The following CIAO2A variants were observed in gnomAD, a reference collection of about 807,000 sequenced individuals.
The protein encoded by CIAO2A is MIP18 family protein FAM96A.
In CIAO2A, 17 loss-of-function variants were observed where a neutral mutation model predicts 22.4. That is an observed-to-expected ratio of 0.76 (90% CI 0.52 to 1.14). The LOEUF is 1.14. Ranked by LOEUF, CIAO2A falls within the 50% of genes most tolerant of loss-of-function variation. CIAO2A has a pLI of 0.00. For missense variants in CIAO2A, 192 were observed against 191.4 expected, an observed-to-expected ratio of 1.00 and a Z score of -0.02; for synonymous variants, 74 against 72.3, an observed-to-expected ratio of 1.02 and a Z score of -0.12.
intron 2 of CIAO2A, among the ~76,000 whole-genome samples, chr15:64,081,560 C>G (rs980657643): frequency 4.8e-5 from 6 of 125,078 alleles, no homozygotes; most frequent in Non-Finnish European, 9.7e-5. Flanking sequence ...TTTTTTGAGA[C>G]GGAGTCTTGA....
At position 64,084,203 on chromosome 15, in the gene CIAO2A, T is replaced by TC. The variant is rs140002188; in HGVS notation, c.290-3053dup. On this transcript the variant is annotated intron_variant, in intron 2 of 4. Transcript: ENST00000300030. Reference sequence around the variant, plus strand: ...TATTCAAGCTTTTTCATGTTTTTTTTCTTTTTTAAGAGATTGCTGGTTTCA... The same window carrying TC: ...TATTCAAGCTTTTTCATGTTTTTTTTCCTTTTTTAAGAGATTGCTGGTTTCA... 6.6e-3 allele frequency among the ~76,000 whole-genome samples: 1,008 copies of TC among 152,282 alleles called. 10 individuals are homozygous for TC. Among genetic ancestry groups the TC allele is most frequent in the African/African-American group, 0.023 (973 of 41,548 alleles).
intron 4 of CIAO2A, chr15:64,074,461 A>T (rs1020312576): frequency 6.6e-6 from 1 of 152,234 alleles, no homozygotes; most frequent in Admixed American, 6.5e-5. Context: ...AAATCCTATC[A>T]TTCAAGGAAT....
chr15:64,073,971 G>A (rs949167069), intron 4 of CIAO2A, among the ~76,000 whole-genome samples: 3 of 152,086 alleles, frequency 2.0e-5, no homozygotes, highest in Admixed American at 2.0e-4. Context: ...ATGGAAAACG[G>A]CTCAATATTA....
intron 3 of CIAO2A, among the ~76,000 whole-genome samples, chr15:64,080,245 G>A (rs990581829): frequency 9.9e-5 from 15 of 151,938 alleles, no homozygotes; most frequent in African/African-American, 4.8e-5. Flanking sequence ...AAAATTAGCC[G>A]GGAATGGTGG....
At chr15:64,080,454 G>A (rs1271769837) in intron 3 of CIAO2A, among the ~76,000 whole-genome samples, 2 of 151,936 alleles carry the variant, frequency 1.3e-5, no homozygotes, top group Non-Finnish European at 2.9e-5. Context: ...AGGCCGAGGC[G>A]GGTGGATCAT....
At chr15:64,079,082 G>T (rs2080741876) in intron 3 of CIAO2A, among the ~76,000 whole-genome samples, 1 of 150,950 alleles carries the variant, frequency 6.6e-6, no homozygotes, top group Non-Finnish European at 1.5e-5. Flanking sequence ...TTCAAAAAAA[G>T]AAATAGCTTT....
chr15:64,093,715 G>A lies in CIAO2A; in HGVS notation c.54C>T (p.Leu18=). Reference sequence around the variant, plus strand: ...CAGCTCCCGGCTCAGAGAGGCCGGAGAGCCACAGGACTCTGCTCAGCGTCC... The same window carrying A: ...CAGCTCCCGGCTCAGAGAGGCCGGAAAGCCACAGGACTCTGCTCAGCGTCC... ...LSWTLSRVLW[L]SGLSEPGAAR... Residue 18 remains leucine (L), a synonymous_variant, in exon 1 of 5, where the codon CTC becomes CTT. Coordinates refer to ENST00000300030, the MANE Select transcript of CIAO2A (RefSeq NM_032231.7). The A allele has an allele frequency of 1.2e-6, 2 of 1,614,090 alleles. No individual in the cohort carries two copies. The highest frequency in any genetic ancestry group is 8.5e-7 in the Non-Finnish European group (1 of 1,179,978).
intron 2 of CIAO2A, among the ~76,000 whole-genome samples, chr15:64,085,995 A>AC (rs2080791676): frequency 6.6e-6 from 1 of 151,792 alleles, no homozygotes. Context: ...AGAGTGAGCC[A>AC]CTGCACCCAG....
intron 2 of CIAO2A, among the ~76,000 whole-genome samples, chr15:64,084,858 C>T (rs1308399696): frequency 4.0e-5 from 6 of 151,820 alleles, no homozygotes; most frequent in African/African-American, 1.2e-4. Flanking sequence ...TTTGGTAGGC[C>T]AAAGAGGGCA....
At chr15:64,084,290 G>A (rs887479994) in intron 2 of CIAO2A, among the ~76,000 whole-genome samples, 1 of 151,942 alleles carries the variant, frequency 6.6e-6, no homozygotes. Context: ...TTACAGGTGT[G>A]GGCCACCACG....
chr15:64,088,979 T>A, intron 1 of CIAO2A, 128 bp from the exon 2 acceptor site: 1 of 795,336 alleles, frequency 1.3e-6, no homozygotes. Context: ...AACTCCCAGG[T>A]TTCTGACAGA....
At position 64,088,819 on chromosome 15, in the gene CIAO2A, G is replaced by A. The variant is rs2080817819; in HGVS notation, c.157C>T (p.Pro53Ser). Residue 53 changes from proline (P) to serine (S), a missense_variant, in exon 2 of 5, where the codon CCC becomes TCC. Physicochemically the swap from Pro to Ser is moderately conservative, Grantham distance 74. Transcript: ENST00000300030. ...LIRTIRDPEK[P>S]NTLEELEVVS... ...ACTTCCAGTTCTTCTAAAGTATTGG[G>A]CTTTTCTGGGTCCCGGATAGTTCTA... is the stretch of plus-strand genomic sequence containing the variant. The A allele has an allele frequency of 6.2e-7, 1 of 1,613,738 alleles. No individual in the cohort carries two copies. The highest frequency in any genetic ancestry group is 8.5e-7 in the Non-Finnish European group (1 of 1,179,906).
chr15:64,072,814 T>C lies in CIAO2A; in HGVS notation c.*117A>G. ...TAAATCTCGCTTGGAAAGAATCCTT[T>C]AAAAAATACTCTGAGGTACAAATCA... is the stretch of plus-strand genomic sequence containing the variant. On this transcript the variant is annotated 3_prime_UTR_variant, in exon 5 of 5. Transcript: ENST00000300030. 1.6e-6 allele frequency: 1 copy of C among 612,198 alleles called. No individual in the cohort carries two copies. The highest frequency in any genetic ancestry group is 3.0e-5 in the Admixed American group (1 of 33,340). The allele number at this position is 612,198 out of a possible 1,614,324, so 37.9% of individuals were successfully genotyped here.
At chr15:64,080,910 T>C (rs1452413611) in intron 3 of CIAO2A, among the ~76,000 whole-genome samples, 192 bp downstream of exon 3, 1 of 152,098 alleles carries the variant, frequency 6.6e-6, no homozygotes, top group East Asian at 1.9e-4. Flanking sequence ...AACTTATACA[T>C]GAATGTTCAT....
chr15:64,087,123 G>A (rs76086371), intron 2 of CIAO2A, among the ~76,000 whole-genome samples: 9,327 of 117,858 alleles, frequency 0.079, 1,104 homozygotes, highest in African/African-American at 0.27. Flanking sequence ...TAAGAGTCTC[G>A]CTCTGATGCC....
At chr15:64,088,597 A>G in intron 2 of CIAO2A, 90 bp downstream of exon 2, 1 of 1,093,564 alleles carries the variant, frequency 9.1e-7, no homozygotes. Flanking sequence ...ATGGTTTTTC[A>G]ACAATGATGC....
At chr15:64,073,900 G>A (rs1311635330) in intron 4 of CIAO2A, 1 of 152,076 alleles carries the variant, frequency 6.6e-6, no homozygotes, top group Non-Finnish European at 1.5e-5. Flanking sequence ...ACCATGCCCG[G>A]GCAATAGCTG....
At position 64,088,698 on chromosome 15, in the gene CIAO2A, G is replaced by C. The variant is rs1242699131; in HGVS notation, c.278C>G (p.Ala93Gly). 1 of 1,608,258 alleles carries C rather than the reference G, an allele frequency of 6.2e-7. No homozygotes were observed. Among genetic ancestry groups the C allele is most frequent in the African/African-American group, 1.3e-5 (1 of 74,454 alleles). Reference protein sequence around the residue: ...FTPTVPHCSLATLIGLCLRVK... With the variant: ...FTPTVPHCSLGTLIGLCLRVK... ...ACAGAAAAACTTACCAATAAGAGTC[G>C]CCAAAGAGCAATGAGGTACTGTTGG... The change falls in exon 2 of 5, where the codon GCG (alanine) becomes GGG (glycine). Residue 93 changes from alanine to glycine, a missense_variant. Physicochemically the swap from Ala to Gly is moderately conservative, Grantham distance 60 (BLOSUM62 0). Transcript: ENST00000300030.
chr15:64,075,877 G>C (rs1038018237), intron 3 of CIAO2A, among the ~76,000 whole-genome samples: 5 of 151,456 alleles, frequency 3.3e-5, no homozygotes, highest in Non-Finnish European at 5.9e-5. Context: ...TGGCCAGACT[G>C]GTCTCAAACT....
Sources: allele counts gnomAD v4.1 joint callset (sites outside exome capture counted in the v4.1 genomes callset), GRCh38; gene constraint gnomAD v4.1.1; transcripts MANE v1.5; gene names NCBI Gene and HGNC (gene_info 2026-07-23, HGNC 2026-07-21).